The following PPP2R2C variants were observed in gnomAD, a reference collection of about 807,000 sequenced individuals.
PPP2R2C encodes protein phosphatase 2, regulatory subunit B, gamma.
In PPP2R2C, 10 loss-of-function variants were observed where a neutral mutation model predicts 45.3. The observed-to-expected ratio is 0.22, with a 90% CI of 0.14 to 0.37. PPP2R2C has a LOEUF of 0.37. PPP2R2C is among the 10% of genes least tolerant of loss of function. The probability of loss-of-function intolerance (pLI) is 1.00; values close to 1 mark genes in which losing one functional copy is unlikely to be tolerated. For missense variants in PPP2R2C, 308 were observed against 619.7 expected (o/e 0.50, Z 5.34); for synonymous variants, 257 against 245.4 (o/e 1.05, Z -0.44).
chr4:6,460,124 A>T (rs1721250590), intron 1 of PPP2R2C, among the ~76,000 whole-genome samples: 2 of 152,250 alleles, frequency 1.3e-5, no homozygotes, highest in African/African-American at 4.8e-5. Context: ...ATTACCAATG[A>T]TGACGGGTGC....
chr4:6,327,798 C>G (rs1394443978), intron 8 of PPP2R2C, among the ~76,000 whole-genome samples: 1 of 152,170 alleles, frequency 6.6e-6, no homozygotes, highest in African/African-American at 2.4e-5. Flanking sequence ...GATCACCATG[C>G]CAGCCCCTTG....
chr4:6,563,134 C>T lies in PPP2R2C; in HGVS notation c.-59+426G>A, dbSNP rs1725636310. 1.3e-5 allele frequency among the ~76,000 whole-genome samples: 2 copies of T among 152,196 alleles called. No homozygotes were observed. Among genetic ancestry groups the T allele is most frequent in the South Asian group, 4.1e-4 (2 of 4,826 alleles). On this transcript the variant is annotated intron_variant, in intron 1 of 9. Coordinates refer to the PPP2R2C transcript ENST00000506140. This position sits in a 1 kb window ranked among gnomAD's most constrained non-coding sequence, Gnocchi z 5.8. ...CCGGACTCCGAGCCGGACCCCGCGC[C>T]CGCACCTTCAGCCGGGCAGCGAGGG...
At chr4:6,412,404 G>A (rs1000367510) in intron 1 of PPP2R2C, among the ~76,000 whole-genome samples, 2 of 152,158 alleles carry the variant, frequency 1.3e-5, no homozygotes, top group Non-Finnish European at 2.9e-5. Context: ...TGAGACCCTG[G>A]AAGGGAAAGC....
rs540744041 is a variant in PPP2R2C at position 6,533,299 on chromosome 4, C to A, written c.49+1972G>T. Among the ~76,000 whole-genome samples, 6 of 152,310 alleles carry A rather than the reference C, an allele frequency of 3.9e-5. No individual in the cohort carries two copies. The South Asian group carries it at 1.2e-3, about 32-fold the overall frequency. On this transcript the variant is annotated intron_variant, in intron 2 of 9. Coordinates refer to the PPP2R2C transcript ENST00000506140. Reference sequence around the variant, plus strand: ...ATCCTCTTAGGCCCATGAGCATAATCTTTGAACAGGATTCTAAACTGCAGA... The same window carrying A: ...ATCCTCTTAGGCCCATGAGCATAATATTTGAACAGGATTCTAAACTGCAGA...
chr4:6,450,563 C>T (rs1272170597), intron 1 of PPP2R2C, among the ~76,000 whole-genome samples: 7 of 152,226 alleles, frequency 4.6e-5, no homozygotes, highest in South Asian at 2.1e-4. Flanking sequence ...TAATGAAGGA[C>T]GGTGATAGGG....
intron 1 of PPP2R2C, among the ~76,000 whole-genome samples, chr4:6,550,787 A>G (rs1018480196): frequency 6.6e-6 from 1 of 152,224 alleles, no homozygotes; most frequent in Non-Finnish European, 1.5e-5. Context: ...CTGGGACTAC[A>G]GGTGCAGGCC....
chr4:6,522,637 A>G (rs980617934), intron 2 of PPP2R2C, among the ~76,000 whole-genome samples: 3 of 152,268 alleles, frequency 2.0e-5, no homozygotes, highest in African/African-American at 7.2e-5. Flanking sequence ...ATGTGGGCCC[A>G]GGGGCTGGCT....
chr4:6,407,937 G>C (rs539469451), intron 1 of PPP2R2C, among the ~76,000 whole-genome samples: 28 of 152,228 alleles, frequency 1.8e-4, no homozygotes, highest in African/African-American at 6.3e-4. Flanking sequence ...AACACACACC[G>C]AATTTTAAAG....
intron 2 of PPP2R2C, among the ~76,000 whole-genome samples, chr4:6,533,378 T>C (rs1724470508): frequency 6.6e-6 from 1 of 152,158 alleles, no homozygotes; most frequent in South Asian, 2.1e-4. Flanking sequence ...AAGGTCTTTC[T>C]CCAGCAGAGA....
chr4:6,463,914 T>C (rs1269675926), intron 1 of PPP2R2C, among the ~76,000 whole-genome samples: 1 of 152,202 alleles, frequency 6.6e-6, no homozygotes, highest in Non-Finnish European at 1.5e-5. Context: ...GGTAGTCTAG[T>C]TCAAATCCCA....
chr4:6,363,719 C>T (rs1714028391), intron 5 of PPP2R2C, among the ~76,000 whole-genome samples: 1 of 152,130 alleles, frequency 6.6e-6, no homozygotes, highest in African/African-American at 2.4e-5. Context: ...TTGTGTCATG[C>T]TAGCAGCTGG....
In PPP2R2C at chr4:6,332,267, C is replaced by T. The variant is rs1732467261; in HGVS notation, c.960+1295G>A. ...AGAGAGTTGCTCCTGCAGGCTTGAG[C>T]CGGGCTTATCCTGTCCCTCTCCTAG... On this transcript the variant is annotated intron_variant, in intron 7 of 8. Transcript: ENST00000382599. The surrounding 1 kb of genome is among the most constrained non-coding windows in gnomAD (Gnocchi z 4.9). 6.6e-6 allele frequency among the ~76,000 whole-genome samples: 1 copy of T among 152,192 alleles called. No homozygotes were observed. The highest frequency in any genetic ancestry group is 1.5e-5 in the Non-Finnish European group (1 of 68,042).
rs1731486071 is a variant in PPP2R2C, at chr4:6,320,628, A to G, written c.*2674T>C. ...TTTATTGGAAAAAGCTGGTATTAAC[A>G]TATTTATAGTTTTATTCAACAATTG... On this transcript the variant is annotated 3_prime_UTR_variant, in exon 9 of 9. Coordinates refer to ENST00000382599, the MANE Select transcript of PPP2R2C (RefSeq NM_020416.4). 1.3e-5 allele frequency: 2 copies of G among 152,584 alleles called. No homozygotes were observed. The highest frequency in any genetic ancestry group is 4.8e-5 in the African/African-American group (2 of 41,452). 9.5% of individuals were successfully genotyped at this position (152,584 alleles called of 1,614,324 possible).
upstream of PPP2R2C, among the ~76,000 whole-genome samples, chr4:6,473,426 C>T (rs1722019751): frequency 6.6e-6 from 1 of 152,174 alleles, no homozygotes; most frequent in Admixed American, 6.5e-5. Flanking sequence ...CACCGTGACC[C>T]ACCGCCTAAT....
intron 1 of PPP2R2C, among the ~76,000 whole-genome samples, chr4:6,420,201 C>A (rs1035531290): frequency 6.6e-6 from 1 of 152,196 alleles, no homozygotes; most frequent in African/African-American, 2.4e-5. Context: ...AGCAAGACTT[C>A]CCAAGGACAG....
At chr4:6,381,281 C>T (rs983886124) in intron 1 of PPP2R2C, 187 bp from the exon 2 acceptor site, 30 of 1,529,968 alleles carry the variant, frequency 2.0e-5, no homozygotes, top group Non-Finnish European at 2.4e-5. Flanking sequence ...CCCTCCTGCC[C>T]TCCTCTTCCC....
chr4:6,397,192 C>T (rs1461772818), intron 1 of PPP2R2C, among the ~76,000 whole-genome samples: 2 of 152,202 alleles, frequency 1.3e-5, no homozygotes, highest in Admixed American at 6.5e-5. Context: ...ACGTCCCAGT[C>T]GGCAGGACCC....
At chr4:6,535,844 C>T (rs995859450) in intron 1 of PPP2R2C, among the ~76,000 whole-genome samples, 2 of 152,206 alleles carry the variant, frequency 1.3e-5, no homozygotes, top group African/African-American at 2.4e-5. Flanking sequence ...TCTGAGCCTG[C>T]GGATGAGAGC....
At chr4:6,478,045 G>A (rs536948046) in intron 2 of PPP2R2C, among the ~76,000 whole-genome samples, 79 of 152,084 alleles carry the variant, frequency 5.2e-4, no homozygotes, top group Non-Finnish European at 9.6e-4. Flanking sequence ...CCCCAACTGC[G>A]TCTCCAGCCA....
Sources: gnomAD v4.1 joint callset for allele counts (sites outside exome capture counted in the v4.1 genomes callset) on GRCh38, gnomAD v4.1.1 for gene constraint, Gnocchi (gnomAD v3.1) non-coding constraint, MANE v1.5 for transcripts, NCBI Gene and HGNC (gene_info 2026-07-23, HGNC 2026-07-21) for gene names.